Variants in GPC5 observed in about 807,000 individuals in gnomAD.
GPC5 encodes the protein glypican-5.
In GPC5, 47 loss-of-function variants were observed where a neutral mutation model predicts 53.9. The ratio of observed to expected loss-of-function variants is 0.87; its 90% CI spans 0.69 to 1.11. The LOEUF is 1.11. Ranked by LOEUF, GPC5 falls within the 50% of genes most tolerant of loss-of-function variation. The probability of loss-of-function intolerance (pLI) is 0.00; values close to 1 mark genes in which losing one functional copy is unlikely to be tolerated. For synonymous variants in GPC5, 286 were observed against 263.3 expected (o/e 1.09, Z -0.84); for missense variants, 748 against 713.1 (o/e 1.05, Z -0.56).
chr13:92,147,368 A>T (rs756431618), intron 7 of GPC5, among the ~76,000 whole-genome samples: 4 of 151,934 alleles, frequency 2.6e-5, no homozygotes, highest in Non-Finnish European at 5.9e-5. Context: ...AGTTATTACA[A>T]AGTAAAGCAT....
chr13:92,593,045 AGAGTG>A (rs1371506271), intron 7 of GPC5, among the ~76,000 whole-genome samples: 1 of 151,168 alleles, frequency 6.6e-6, no homozygotes, highest in Non-Finnish European at 1.5e-5. Flanking sequence ...TGAAGTGACT[AGAGTG>A]GAGTGAATGA....
At chr13:91,559,335 CACTGG>C (rs1366589185) in intron 2 of GPC5, among the ~76,000 whole-genome samples, 3 of 152,104 alleles carry the variant, frequency 2.0e-5, no homozygotes, top group Non-Finnish European at 4.4e-5. Context: ...TCCTAGAGCA[CACTGG>C]AGTGCTTACT....
At chr13:92,188,356 C>CT (rs1296092793) in intron 7 of GPC5, among the ~76,000 whole-genome samples, 1 of 152,006 alleles carries the variant, frequency 6.6e-6, no homozygotes, top group African/African-American at 2.4e-5. Flanking sequence ...ATTCATGTTA[C>CT]TAAAAGCACA....
chr13:91,964,224 G>A (rs561386118), intron 6 of GPC5, among the ~76,000 whole-genome samples: 1 of 152,296 alleles, frequency 6.6e-6, no homozygotes, highest in East Asian at 1.9e-4. Flanking sequence ...CAGACCCAAA[G>A]AGTGAGCAGC....
At chr13:92,298,246 G>T (rs774329974) in intron 7 of GPC5, among the ~76,000 whole-genome samples, 3 of 152,112 alleles carry the variant, frequency 2.0e-5, no homozygotes, top group African/African-American at 7.2e-5. Flanking sequence ...TAGGCTCCCC[G>T]CCTCCCAGCT....
chr13:92,232,509 G>C (rs2042538268), intron 7 of GPC5, among the ~76,000 whole-genome samples: 1 of 152,182 alleles, frequency 6.6e-6, no homozygotes, highest in South Asian at 2.1e-4. Flanking sequence ...ATGTCTGGCA[G>C]ATCATCTGTT....
intron 7 of GPC5, among the ~76,000 whole-genome samples, chr13:92,605,960 A>C (rs1435864756): frequency 1.3e-5 from 2 of 152,214 alleles, no homozygotes; most frequent in Non-Finnish European, 2.9e-5. Context: ...TGCAACTTTT[A>C]ATTCAAGAAG....
chr13:92,559,094 T>C (rs1306744195), intron 7 of GPC5, among the ~76,000 whole-genome samples: 1 of 151,778 alleles, frequency 6.6e-6, no homozygotes, highest in Non-Finnish European at 1.5e-5. Context: ...CCACCCTTGG[T>C]GCTTGGCTTA....
In GPC5 at chr13:91,618,823, C is replaced by T. The variant is rs60604320; in HGVS notation, c.326-74364C>T. Among the ~76,000 whole-genome samples, 1,247 of 152,034 alleles carry T rather than the reference C, an allele frequency of 8.2e-3. 20 individuals are homozygous for T. The highest frequency in any genetic ancestry group is 0.028 in the African/African-American group (1,173 of 41,484). On this transcript the variant is annotated intron_variant, in intron 2 of 7. Coordinates refer to ENST00000377067, the MANE Select transcript of GPC5 (RefSeq NM_004466.6). ...CCTAATTTTTAAAATGGGAATCATA[C>T]CCATAACCTAACTTACAGAGTTTTT...
At chr13:91,938,569 C>T (rs992160340) in intron 6 of GPC5, among the ~76,000 whole-genome samples, 2 of 152,086 alleles carry the variant, frequency 1.3e-5, no homozygotes, top group Non-Finnish European at 2.9e-5. Context: ...TACCAGTTTA[C>T]AGAATAGATG....
At chr13:91,897,108 C>G (rs2039450258) in intron 5 of GPC5, among the ~76,000 whole-genome samples, 1 of 151,742 alleles carries the variant, frequency 6.6e-6, no homozygotes, top group Non-Finnish European at 1.5e-5. Flanking sequence ...TTTATGATTC[C>G]ACAGACCATA....
chr13:91,901,851 A>G (rs1594651800), intron 5 of GPC5, among the ~76,000 whole-genome samples: 1 of 152,038 alleles, frequency 6.6e-6, no homozygotes, highest in East Asian at 1.9e-4. Flanking sequence ...TTTAATATCC[A>G]GCCACATAAC....
At chr13:91,606,602 G>A (rs1163966157) in intron 2 of GPC5, among the ~76,000 whole-genome samples, 1 of 148,886 alleles carries the variant, frequency 6.7e-6, no homozygotes, top group Non-Finnish European at 1.5e-5. Context: ...TTTTTGATTG[G>A]TAAGCTATTG....
chr13:92,011,087 A>G (rs923019938), intron 6 of GPC5, among the ~76,000 whole-genome samples: 6 of 152,238 alleles, frequency 3.9e-5, no homozygotes, highest in Non-Finnish European at 7.3e-5. Context: ...CAATAGATGT[A>G]AATATAACTC....
chr13:92,469,493 A>G (rs929317594), intron 7 of GPC5, among the ~76,000 whole-genome samples: 5 of 152,166 alleles, frequency 3.3e-5, no homozygotes, highest in Admixed American at 2.6e-4. Context: ...AAGGTCTATC[A>G]TATGGTTAGC....
At chr13:92,732,750 A>G (rs1888840639) in intron 7 of GPC5, among the ~76,000 whole-genome samples, 1 of 151,748 alleles carries the variant, frequency 6.6e-6, no homozygotes. Context: ...TGCACAATCT[A>G]CTAAAGAATG....
Position 92,514,855 on chromosome 13 carries a change from G to T in GPC5, c.1562-351427G>T, listed in dbSNP as rs150760584. On this transcript the variant is annotated intron_variant, in intron 7 of 7. Transcript: ENST00000377067. ...CAAGAGTTCTTTTGTGACAAAGCAT[G>T]ACTCTTATCTGTGACAGCAACCTGA... 9.2e-5 allele frequency among the ~76,000 whole-genome samples: 14 copies of T among 152,240 alleles called. No individual in the cohort carries two copies. The East Asian group carries it at 2.7e-3, about 29-fold the overall frequency.
intron 6 of GPC5, among the ~76,000 whole-genome samples, chr13:91,934,541 G>A (rs2039852239): frequency 6.6e-6 from 1 of 151,900 alleles, no homozygotes; most frequent in South Asian, 2.1e-4. Flanking sequence ...TAAAAAACTG[G>A]ATGTCTTCCA....
chr13:91,974,382 C>G lies in GPC5; in HGVS notation c.1401+66325C>G, dbSNP rs938868587. ...TATCTAGAAAAACCCATTGTCTCAG[C>G]TCAAAATCTCCTTAAGCTGATAAGC... is the stretch of plus-strand genomic sequence containing the variant. On this transcript the variant is annotated intron_variant, in intron 6 of 7. Coordinates refer to ENST00000377067, the MANE Select transcript of GPC5 (RefSeq NM_004466.6). 3.9e-5 allele frequency among the ~76,000 whole-genome samples: 6 copies of G among 152,118 alleles called. No homozygotes were observed. In the South Asian group the frequency reaches 1.0e-3, roughly 26 times the overall value.
Sources: allele counts gnomAD v4.1 joint callset (sites outside exome capture counted in the v4.1 genomes callset), GRCh38; gene constraint gnomAD v4.1.1; transcripts MANE v1.5; gene names NCBI Gene and HGNC (gene_info 2026-07-23, HGNC 2026-07-21).